Variants in RYR2 observed in about 807,000 individuals in gnomAD.
The protein encoded by RYR2 is ryanodine receptor 2.
RYR2 carries 227 observed loss-of-function variants against 601.1 expected under a neutral mutation model. The observed-to-expected ratio is 0.38, with a 90% CI of 0.34 to 0.42. The LOEUF (loss-of-function observed/expected upper bound fraction) is 0.42, where lower values mean the gene tolerates loss of function less well. RYR2 is among the 10% of genes least tolerant of loss of function. The probability of loss-of-function intolerance (pLI) is 1.00; values close to 1 mark genes in which losing one functional copy is unlikely to be tolerated. For synonymous variants in RYR2, 2,223 were observed against 2,175.1 expected, an observed-to-expected ratio of 1.02 and a Z score of -0.61; for missense variants, 4,646 against 6,156.5, an observed-to-expected ratio of 0.75 and a Z score of 8.21.
At chr1:237,362,692 C>G (rs1204748901) in intron 4 of RYR2, among the ~76,000 whole-genome samples, 1 of 152,142 alleles carries the variant, frequency 6.6e-6, no homozygotes, top group Non-Finnish European at 1.5e-5. Context: ...AGCACTTAAA[C>G]CAATTTGAAC....
intron 101 of RYR2, among the ~76,000 whole-genome samples, chr1:237,828,079 G>A (rs938175668): frequency 6.6e-6 from 1 of 151,274 alleles, no homozygotes; most frequent in Non-Finnish European, 1.5e-5. Flanking sequence ...GCTCTTTTTC[G>A]GCATGAAGTA....
chr1:237,197,347 A>G (rs1680681967), intron 1 of RYR2, among the ~76,000 whole-genome samples: 1 of 152,212 alleles, frequency 6.6e-6, no homozygotes, highest in Non-Finnish European at 1.5e-5. Flanking sequence ...ATTCCCATTC[A>G]TCTCAATTTA....
At chr1:237,090,983 A>G (rs1666888709) in intron 1 of RYR2, among the ~76,000 whole-genome samples, 1 of 152,228 alleles carries the variant, frequency 6.6e-6, no homozygotes, top group Non-Finnish European at 1.5e-5. Flanking sequence ...AATGAAAATT[A>G]TGTACTTGTG....
At chr1:237,436,788 G>C (rs1707425797) in intron 12 of RYR2, among the ~76,000 whole-genome samples, 4 of 150,766 alleles carry the variant, frequency 2.7e-5, no homozygotes, top group Admixed American at 2.0e-4. Flanking sequence ...TATGCTAGAA[G>C]AATTCCTCTG....
rs750392459 is a variant in RYR2 at position 237,548,446 on chromosome 1, T to C, written c.2922T>C (p.Ser974=). ...MKLPKNYQLT[S]GYKPAPMDLS... ...TGATTTGTAGTTACCAGCTGACAAG[T>C]GGATACAAGCCTGCCCCTATGGACC... The change falls in exon 26 of 105, where the codon AGT becomes AGC. Residue 974 remains serine (S), a synonymous_variant. Transcript: ENST00000366574. 8 of 1,613,804 alleles carry C rather than the reference T, an allele frequency of 5.0e-6. No individual in the cohort carries two copies. Among genetic ancestry groups the C allele is most frequent in the Middle Eastern group, 1.6e-4 (1 of 6,062 alleles).
chr1:237,493,922 G>A (rs913992834), intron 19 of RYR2, among the ~76,000 whole-genome samples: 28 of 152,230 alleles, frequency 1.8e-4, no homozygotes, highest in African/African-American at 6.0e-4. Context: ...AGGGCTTTAC[G>A]TGTATTCTCT....
At chr1:237,556,855 A>C (rs2805466) in intron 27 of RYR2, among the ~76,000 whole-genome samples, 1 of 139,016 alleles carries the variant, frequency 7.2e-6, no homozygotes, top group African/African-American at 2.7e-5. Context: ...ATTCCTGTAC[A>C]GCAAACTACC....
intron 5 of RYR2, among the ~76,000 whole-genome samples, chr1:237,366,556 T>A (rs1700210074): frequency 6.6e-6 from 1 of 151,988 alleles, no homozygotes; most frequent in Admixed American, 6.6e-5. Flanking sequence ...CATGAGGCAC[T>A]TTGCCTTGCT....
At chr1:237,613,771 A>C (rs1678154736) in intron 36 of RYR2, among the ~76,000 whole-genome samples, 1 of 152,192 alleles carries the variant, frequency 6.6e-6, no homozygotes, top group South Asian at 2.1e-4. Flanking sequence ...CATAATGCTC[A>C]AAGGAAATGG....
At chr1:237,103,725 C>T (rs887395174) in intron 1 of RYR2, among the ~76,000 whole-genome samples, 4 of 152,204 alleles carry the variant, frequency 2.6e-5, no homozygotes, top group Non-Finnish European at 5.9e-5. Flanking sequence ...TGTGCCACCA[C>T]ATCTGGCTAA....
chr1:237,408,407 A>ATATATATATATATATAT (rs56317247), intron 10 of RYR2, among the ~76,000 whole-genome samples: 11,605 of 132,070 alleles, frequency 0.088, 1,022 homozygotes, highest in East Asian at 0.12. Flanking sequence ...TATATATATA[A>ATATATATATATATATAT]ATGGATATCC....
In RYR2 at chr1:237,507,060, G is replaced by C. The variant is rs75361901; in HGVS notation, c.2718+246G>C. Among the ~76,000 whole-genome samples, 1,531 of 152,302 alleles carry C rather than the reference G, an allele frequency of 0.01. 29 individuals carry two copies. The highest frequency in any genetic ancestry group is 0.033 in the African/African-American group (1,366 of 41,550). On this transcript the variant is annotated intron_variant, in intron 23 of 104. Coordinates refer to ENST00000366574, the MANE Select transcript of RYR2 (RefSeq NM_001035.3). ...GCCTAGACAATGGAAAGTTATCAGTGTCTGGGCTGAAAGTTATATTTTCAA... is the reference window on the plus strand; with the variant it reads ...GCCTAGACAATGGAAAGTTATCAGTCTCTGGGCTGAAAGTTATATTTTCAA...
chr1:237,074,208 T>G (rs1236254721), intron 1 of RYR2, among the ~76,000 whole-genome samples: 1 of 152,066 alleles, frequency 6.6e-6, no homozygotes, highest in Non-Finnish European at 1.5e-5. Context: ...TCCCAGCTAC[T>G]TGGGAGGCTG....
chr1:237,469,319 G>C (rs2150303759), intron 17 of RYR2, 132 bp downstream of exon 17: 1 of 556,778 alleles, frequency 1.8e-6, no homozygotes, highest in South Asian at 2.9e-5. Context: ...CTGAGTCCCA[G>C]ATACTCAGGA....
At position 237,610,519 on chromosome 1, in the gene RYR2, A is replaced by G. The variant is rs1677724213; in HGVS notation, c.4684-243A>G. Among the ~76,000 whole-genome samples, 1 of 152,190 alleles carries G rather than the reference A, an allele frequency of 6.6e-6. No individual in the cohort carries two copies. Among genetic ancestry groups the G allele is most frequent in the South Asian group, 2.1e-4 (1 of 4,832 alleles). Reference sequence around the variant, plus strand: ...CTGTGCCATTCAGTATATGGGAAAGACACATCCCGAAACCTGTTTGACTGC... The same window carrying G: ...CTGTGCCATTCAGTATATGGGAAAGGCACATCCCGAAACCTGTTTGACTGC... On this transcript the variant is annotated intron_variant, in intron 35 of 104. Coordinates refer to ENST00000366574, the MANE Select transcript of RYR2 (RefSeq NM_001035.3). This position sits in a 1 kb window ranked among gnomAD's most constrained non-coding sequence, Gnocchi z 4.9.
chr1:237,241,516 G>A (rs1686157670), intron 1 of RYR2, among the ~76,000 whole-genome samples: 1 of 152,130 alleles, frequency 6.6e-6, no homozygotes, highest in South Asian at 2.1e-4. Context: ...AGCCCAGGAG[G>A]CCAAGTGGGT....
chr1:237,464,219 T>C (rs1053931912), intron 16 of RYR2, among the ~76,000 whole-genome samples: 1 of 152,172 alleles, frequency 6.6e-6, no homozygotes, highest in African/African-American at 2.4e-5. Context: ...CAAAAGGCTT[T>C]CCTTTGATGT....
At chr1:237,188,678 G>C (rs1679636145) in intron 1 of RYR2, among the ~76,000 whole-genome samples, 1 of 152,124 alleles carries the variant, frequency 6.6e-6, no homozygotes, top group Non-Finnish European at 1.5e-5. Context: ...CGATTCTCCT[G>C]TCTCAGCCTC....
rs145641625 is a variant in RYR2 at position 237,772,398 on chromosome 1, C to T, written c.11646+298C>T. On this transcript the variant is annotated intron_variant, in intron 86 of 104. Transcript: ENST00000366574. ...TTGTAAAGCACTTTTATACTCTGCT[C>T]CTTCTTCTACAGTTGTTAGACAAAT... is the stretch of plus-strand genomic sequence containing the variant. 1.8e-3 allele frequency among the ~76,000 whole-genome samples: 272 copies of T among 152,172 alleles called. 1 individual carries two copies. Among genetic ancestry groups the T allele is most frequent in the African/African-American group, 6.0e-3 (251 of 41,532 alleles).
Sources: allele counts gnomAD v4.1 joint callset (sites outside exome capture counted in the v4.1 genomes callset), GRCh38; gene constraint gnomAD v4.1.1; non-coding constraint Gnocchi (gnomAD v3.1); transcripts MANE v1.5; gene names NCBI Gene and HGNC (gene_info 2026-07-23, HGNC 2026-07-21).